FYN: variants seen among roughly 807,000 people sequenced by gnomAD.
FYN encodes tyrosine-protein kinase Fyn.
A neutral mutation model predicts 70.2 loss-of-function variants in FYN; 10 were observed. That is an observed-to-expected ratio of 0.14 (90% CI 0.09 to 0.24). The LOEUF (loss-of-function observed/expected upper bound fraction) is 0.24, where lower values mean the gene tolerates loss of function less well. Among genes scored for constraint, FYN ranks in the 10% least tolerant of loss-of-function variants. FYN has a pLI of 1.00. For missense variants in FYN, 319 were observed against 673.1 expected (o/e 0.47, Z 5.82); for synonymous variants, 236 against 248.6 (o/e 0.95, Z 0.48).
At chr6:111,778,007 C>A (rs1454172820) in intron 3 of FYN, among the ~76,000 whole-genome samples, 2 of 152,206 alleles carry the variant, frequency 1.3e-5, no homozygotes, top group Admixed American at 1.3e-4. Flanking sequence ...TGACCAGACA[C>A]TTCATACTGA....
At chr6:111,861,040 TA>T (rs1354973366) in intron 1 of FYN, among the ~76,000 whole-genome samples, 1 of 152,220 alleles carries the variant, frequency 6.6e-6, no homozygotes, top group African/African-American at 2.4e-5. Flanking sequence ...ATCTGGATTC[TA>T]AACCATGACT....
At position 111,694,578 on chromosome 6, in the gene FYN, T is replaced by C. The variant is rs201834690; in HGVS notation, c.1119+50A>G. On this transcript the variant is annotated intron_variant, in intron 11 of 13. Coordinates refer to ENST00000354650, the MANE Select transcript of FYN (RefSeq NM_002037.5). The surrounding 1 kb of genome is among the most constrained non-coding windows in gnomAD (Gnocchi z 5.0). ...ATGTTACACCACGACCCAATGTACT[T>C]AGACACGTCATTAAATCTATGGCAC... The C allele has an allele frequency of 5.0e-6, 8 of 1,613,744 alleles. No individual in the cohort carries two copies. The highest frequency in any genetic ancestry group is 1.1e-5 in the South Asian group (1 of 91,060).
At chr6:111,835,780 C>A (rs1773166297) in intron 2 of FYN, among the ~76,000 whole-genome samples, 1 of 150,492 alleles carries the variant, frequency 6.6e-6, no homozygotes, top group Non-Finnish European at 1.5e-5. Flanking sequence ...CGTGCCTGGG[C>A]ATCTAACAAA....
At chr6:111,724,889 C>T (rs1439104875) in intron 3 of FYN, among the ~76,000 whole-genome samples, 1 of 152,102 alleles carries the variant, frequency 6.6e-6, no homozygotes, top group African/African-American at 2.4e-5. Context: ...AGGAAGGGAA[C>T]TGAACTAAGA....
intron 3 of FYN, among the ~76,000 whole-genome samples, chr6:111,778,041 T>C (rs1212381029): frequency 6.6e-6 from 1 of 152,168 alleles, no homozygotes; most frequent in Non-Finnish European, 1.5e-5. Context: ...GGATTGGGTG[T>C]CTATTAACAG....
At chr6:111,703,146 G>A (rs1415695662) in intron 7 of FYN, 112 bp from the exon 8 acceptor site, 7 of 889,452 alleles carry the variant, frequency 7.9e-6, no homozygotes, top group South Asian at 3.2e-5. Flanking sequence ...ACACACACAT[G>A]TACACACACA....
chr6:111,789,303 A>AG (rs1771519146), intron 2 of FYN, among the ~76,000 whole-genome samples: 1 of 152,038 alleles, frequency 6.6e-6, no homozygotes, highest in Non-Finnish European at 1.5e-5. Flanking sequence ...GCTGGACTGG[A>AG]GAGATAAAGA....
intron 2 of FYN, among the ~76,000 whole-genome samples, chr6:111,806,217 G>A (rs975902874): frequency 7.2e-5 from 11 of 152,280 alleles, no homozygotes; most frequent in East Asian, 3.9e-4. Flanking sequence ...GCACGAGCTT[G>A]TAACTCCTGG....
intron 2 of FYN, among the ~76,000 whole-genome samples, chr6:111,841,500 T>C (rs1053950681): frequency 2.6e-5 from 4 of 152,214 alleles, no homozygotes; most frequent in Non-Finnish European, 1.5e-5. Flanking sequence ...TCCTAGATGT[T>C]AGTCCTTGGG....
chr6:111,849,002 G>C (rs911336403), intron 1 of FYN, among the ~76,000 whole-genome samples: 1 of 152,186 alleles, frequency 6.6e-6, no homozygotes, highest in African/African-American at 2.4e-5. Context: ...ACCCCCGTGT[G>C]TGTGTGCATG....
At chr6:111,809,118 C>T (rs115470438) in intron 2 of FYN, among the ~76,000 whole-genome samples, 27 of 152,172 alleles carry the variant, frequency 1.8e-4, no homozygotes, top group African/African-American at 6.3e-4. Flanking sequence ...TACTCATGGC[C>T]TATAGCAAAA....
intron 1 of FYN, among the ~76,000 whole-genome samples, chr6:111,851,163 T>C (rs1240586707): frequency 1.3e-5 from 2 of 152,070 alleles, no homozygotes; most frequent in Non-Finnish European, 2.9e-5. Context: ...TCTAGTCTAG[T>C]AGAGGACAGC....
At chr6:111,755,945 C>T (rs960401226) in intron 3 of FYN, among the ~76,000 whole-genome samples, 4 of 151,856 alleles carry the variant, frequency 2.6e-5, no homozygotes, top group Non-Finnish European at 4.4e-5. Flanking sequence ...GAACAAGTAT[C>T]CAACTCAGGA....
intron 3 of FYN, among the ~76,000 whole-genome samples, chr6:111,746,358 T>C (rs1319251980): frequency 6.6e-6 from 1 of 152,184 alleles, no homozygotes; most frequent in Non-Finnish European, 1.5e-5. Flanking sequence ...CAAACACGGT[T>C]GTGATTTCTA....
intron 2 of FYN, among the ~76,000 whole-genome samples, chr6:111,823,750 T>G (rs1205205919): frequency 2.6e-5 from 4 of 152,194 alleles, no homozygotes; most frequent in African/African-American, 9.7e-5. Context: ...AGTGTTAAAA[T>G]ATGTGTCTGG....
intron 2 of FYN, among the ~76,000 whole-genome samples, chr6:111,801,959 G>A (rs1054520555): frequency 2.0e-5 from 3 of 152,220 alleles, no homozygotes; most frequent in African/African-American, 7.2e-5. Flanking sequence ...GAATAGAGAA[G>A]CACCAGACAC....
chr6:111,767,999 C>T (rs1283948119), intron 3 of FYN, among the ~76,000 whole-genome samples: 1 of 152,228 alleles, frequency 6.6e-6, no homozygotes, highest in Non-Finnish European at 1.5e-5. Context: ...TCCTTGCCTA[C>T]TCACACCTCA....
chr6:111,723,018 A>G (rs1801027297), intron 3 of FYN, among the ~76,000 whole-genome samples: 1 of 152,238 alleles, frequency 6.6e-6, no homozygotes, highest in African/African-American at 2.4e-5. Flanking sequence ...TTTTCTCTAG[A>G]AGCTTGTGCA....
chr6:111,829,663 C>G (rs1252960551), intron 2 of FYN, among the ~76,000 whole-genome samples: 1 of 152,212 alleles, frequency 6.6e-6, no homozygotes, highest in Non-Finnish European at 1.5e-5. Context: ...TTACTGCTGT[C>G]TGACCTTAGA....
Sources: allele counts gnomAD v4.1 joint callset (sites outside exome capture counted in the v4.1 genomes callset), GRCh38; gene constraint gnomAD v4.1.1; non-coding constraint Gnocchi (gnomAD v3.1); transcripts MANE v1.5; gene names NCBI Gene and HGNC (gene_info 2026-07-23, HGNC 2026-07-21).